The following FLNB variants were observed in gnomAD, a reference collection of about 807,000 sequenced individuals.
The protein encoded by FLNB is filamin B, also known as filamin-B.
In FLNB, 111 loss-of-function variants were observed where a neutral mutation model predicts 250.6. That is an observed-to-expected ratio of 0.44 (90% CI 0.38 to 0.52). The LOEUF is 0.52. Among genes scored for constraint, FLNB ranks in the 20% least tolerant of loss-of-function variants. The pLI, the probability that FLNB is intolerant of heterozygous loss-of-function variation, is 0.00. For synonymous variants in FLNB, 1,302 were observed against 1,372.1 expected (o/e 0.95, Z 1.13); for missense variants, 2,869 against 3,447.8 (o/e 0.83, Z 4.20).
chr3:58,027,238 C>T lies in FLNB; in HGVS notation c.292+18382C>T, dbSNP rs992004562. 9.2e-5 allele frequency among the ~76,000 whole-genome samples: 14 copies of T among 151,924 alleles called. No homozygotes were observed. In the South Asian group the frequency reaches 1.5e-3, roughly 16 times the overall value. On this transcript the variant is annotated intron_variant, in intron 1 of 45. Coordinates refer to ENST00000295956, the MANE Select transcript of FLNB (RefSeq NM_001457.4). ...CGCGATCTCGGCTCACCACAACCTC[C>T]GCCTCCCAGGTTCAAGGGATTCTCC...
intron 1 of FLNB, among the ~76,000 whole-genome samples, chr3:58,060,769 C>CAAAAAAAAAAAAAA (rs71091334): frequency 4.0e-4 from 26 of 64,218 alleles, no homozygotes; most frequent in Non-Finnish European, 5.7e-4. Context: ...GACCTTGTCT[C>CAAAAAAAAAAAAAA]AAAAAAAAAA....
intron 1 of FLNB, among the ~76,000 whole-genome samples, chr3:58,055,531 A>AG (rs1474658381): frequency 2.0e-5 from 3 of 152,184 alleles, no homozygotes; most frequent in African/African-American, 7.2e-5. Flanking sequence ...TTGACAAATG[A>AG]GGAACTACAA....
At chr3:58,021,912 T>G (rs1400292661) in intron 1 of FLNB, among the ~76,000 whole-genome samples, 1 of 152,130 alleles carries the variant, frequency 6.6e-6, no homozygotes, top group Admixed American at 6.5e-5. Flanking sequence ...GTAGTCAGAA[T>G]TACAGGCACA....
At chr3:58,029,134 T>C (rs1179339386) in intron 1 of FLNB, among the ~76,000 whole-genome samples, 1 of 151,816 alleles carries the variant, frequency 6.6e-6, no homozygotes, top group Non-Finnish European at 1.5e-5. Context: ...ATGACAATGA[T>C]CCATCTTAAC....
intron 15 of FLNB, 97 bp downstream of exon 15, chr3:58,109,796 C>A: frequency 6.5e-7 from 1 of 1,533,682 alleles, no homozygotes; most frequent in Non-Finnish European, 9.0e-7. Context: ...GGAAGTAGTC[C>A]ATCTGAATAG....
rs777288340 is a variant in FLNB at position 58,109,259 on chromosome 3, G to A, written c.2136G>A (p.Lys712=). ...GTYACSYTPV[K]AIKHTIAVVW... ...ATGCATGCTCATACACCCCGGTGAA[G>A]GCCATCAAGCACACCATTGCTGTGG... Residue 712 remains lysine, a synonymous_variant, in exon 14 of 46, where the codon AAG becomes AAA. Transcript: ENST00000295956. 16 of 1,614,244 alleles carry A rather than the reference G, an allele frequency of 9.9e-6. No homozygotes were observed. In the East Asian group the frequency reaches 2.5e-4, roughly 25 times the overall value.
chr3:58,046,203 TC>T (rs2097153867), intron 1 of FLNB, among the ~76,000 whole-genome samples: 1 of 152,018 alleles, frequency 6.6e-6, no homozygotes. Flanking sequence ...CCTCCTTGGT[TC>T]CAGGTCACAG....
intron 26 of FLNB, among the ~76,000 whole-genome samples, 168 bp from the exon 27 acceptor site, chr3:58,134,448 C>T (rs1016256318): frequency 6.6e-6 from 1 of 152,188 alleles, no homozygotes; most frequent in African/African-American, 2.4e-5. Flanking sequence ...TGGTTACTAC[C>T]TCATAGTTGT....
chr3:58,121,940 C>T (rs537341611), intron 20 of FLNB, among the ~76,000 whole-genome samples: 255 of 150,394 alleles, frequency 1.7e-3, no homozygotes, highest in Non-Finnish European at 2.9e-3. Context: ...GAGGCCGAGG[C>T]GGGCGGATCA....
chr3:58,116,992 G>T (rs1048988955), intron 18 of FLNB, among the ~76,000 whole-genome samples: 3 of 152,174 alleles, frequency 2.0e-5, no homozygotes, highest in Non-Finnish European at 4.4e-5. Flanking sequence ...GGCCCTAAAA[G>T]GGATGGTGCT....
At chr3:58,046,548 C>T (rs2097154613) in intron 1 of FLNB, among the ~76,000 whole-genome samples, 1 of 151,196 alleles carries the variant, frequency 6.6e-6, no homozygotes, top group African/African-American at 2.4e-5. Context: ...CTCCCAGGTT[C>T]AAGCGATTCT....
chr3:58,050,214 C>T (rs969951700), intron 1 of FLNB, among the ~76,000 whole-genome samples: 2 of 151,854 alleles, frequency 1.3e-5, no homozygotes, highest in Non-Finnish European at 2.9e-5. Flanking sequence ...ATTTTTAGTA[C>T]AGACGGGGTT....
intron 1 of FLNB, among the ~76,000 whole-genome samples, chr3:58,049,207 C>T (rs1045449525): frequency 1.3e-5 from 2 of 152,148 alleles, no homozygotes; most frequent in Admixed American, 6.6e-5. Context: ...TAACTGATAT[C>T]TTGTATTTTT....
At position 58,094,929 on chromosome 3, in the gene FLNB, A is replaced by G. The variant is rs767605044; in HGVS notation, c.881A>G (p.Glu294Gly). The G allele has an allele frequency of 6.2e-7, 1 of 1,614,032 alleles. No individual in the cohort carries two copies. The highest frequency in any genetic ancestry group is 1.1e-5 in the South Asian group (1 of 91,074). ...CAAGGAGACGTGATGGTGTTTGTTGAGGACCCAGAAGGGAACAAAGAGGAG... is the reference window on the plus strand; with the variant it reads ...CAAGGAGACGTGATGGTGTTTGTTGGGGACCCAGAAGGGAACAAAGAGGAG... ...AGQGDVMVFV[E>G]DPEGNKEEAQ... Residue 294 changes from glutamate to glycine, a missense_variant, in exon 5 of 46, where the codon GAG (glutamate) becomes GGG (glycine). Transcript: ENST00000295956.
At chr3:58,146,426 C>T in intron 33 of FLNB, among the ~76,000 whole-genome samples, 1 of 152,146 alleles carries the variant, frequency 6.6e-6, no homozygotes, top group South Asian at 2.1e-4. Context: ...CATGGATAAT[C>T]CCAAATCTGT....
At chr3:58,083,677 C>T (rs1302951438) in intron 4 of FLNB, among the ~76,000 whole-genome samples, 1 of 152,102 alleles carries the variant, frequency 6.6e-6, no homozygotes, top group Non-Finnish European at 1.5e-5. Flanking sequence ...ATGCTGACCA[C>T]GTGCTGTTCT....
chr3:58,121,050 C>T (rs1576754069), intron 19 of FLNB, among the ~76,000 whole-genome samples, 191 bp from the exon 20 acceptor site: 1 of 152,330 alleles, frequency 6.6e-6, no homozygotes, highest in East Asian at 1.9e-4. Flanking sequence ...TGTGCCGACA[C>T]TTGTTGTTAC....
chr3:58,170,615 C>A lies in FLNB; in HGVS notation c.7662C>A (p.Thr2554=), dbSNP rs200328630. The change falls in exon 46 of 46, where the codon ACC becomes ACA. Residue 2554 remains threonine (T), a synonymous_variant. Transcript: ENST00000295956. ...MLLIGVHGPT[T]PCEEVSMKHV... is the part of the protein sequence containing the mutation. Reference sequence around the variant, plus strand: ...TGATCGGGGTCCATGGGCCCACCACCCCCTGCGAGGAGGTCTCCATGAAGC... The same window carrying A: ...TGATCGGGGTCCATGGGCCCACCACACCCTGCGAGGAGGTCTCCATGAAGC... 2.0e-5 allele frequency: 32 copies of A among 1,614,152 alleles called. No homozygotes were observed. Among genetic ancestry groups the A allele is most frequent in the African/African-American group, 2.7e-5 (2 of 75,012 alleles).
rs1575485474 is a variant in FLNB at position 58,169,481 on chromosome 3, T to G, written c.7418-109T>G. ...AGGTGTGGTGGCTTTTGTGTTGGGG[T>G]GCGCGGGCTCTCCTGGGGTTACTGT... is the stretch of plus-strand genomic sequence containing the variant. On this transcript the variant is annotated intron_variant, in intron 44 of 45. Coordinates refer to ENST00000295956, the MANE Select transcript of FLNB (RefSeq NM_001457.4). This position sits in a 1 kb window ranked among gnomAD's most constrained non-coding sequence, Gnocchi z 4.8. The G allele has an allele frequency of 2.4e-6, 2 of 843,578 alleles. No individual in the cohort carries two copies. The allele number at this position is 843,578 out of a possible 1,614,324, so 52.3% of individuals were successfully genotyped here.
Sources: allele counts gnomAD v4.1 joint callset (sites outside exome capture counted in the v4.1 genomes callset), GRCh38; gene constraint gnomAD v4.1.1; non-coding constraint Gnocchi (gnomAD v3.1); transcripts MANE v1.5; gene names NCBI Gene and HGNC (gene_info 2026-07-23, HGNC 2026-07-21).